DNAH17: variants seen among roughly 807,000 people sequenced by gnomAD.
The protein encoded by DNAH17 is axonemal beta dynein heavy chain 17.
DNAH17 carries 376 observed loss-of-function variants against 485.6 expected under a neutral mutation model. The ratio of observed to expected loss-of-function variants is 0.77; its 90% CI spans 0.71 to 0.84. The LOEUF (loss-of-function observed/expected upper bound fraction) is 0.84. DNAH17 is among the 40% of genes least tolerant of loss of function. The pLI is 0.00. For synonymous variants in DNAH17, 3,031 were observed against 2,405.9 expected, an observed-to-expected ratio of 1.26 and a Z score of -7.60; for missense variants, 6,370 against 5,839.3, an observed-to-expected ratio of 1.09 and a Z score of -2.96.
At chr17:78,566,405 C>T (rs138213882) in intron 11 of DNAH17, among the ~76,000 whole-genome samples, 199 of 152,334 alleles carry the variant, frequency 1.3e-3, no homozygotes, top group African/African-American at 4.5e-3. Context: ...ACTTGCTCCT[C>T]TTCCTCTAGG....
chr17:78,428,834 T>A, intron 76 of DNAH17, 127 bp from the exon 77 acceptor site: 2 of 1,222,106 alleles, frequency 1.6e-6, no homozygotes. Flanking sequence ...CCCACTTGTT[T>A]CCCAGCCCCC....
At chr17:78,437,916 C>T (rs770615221) in intron 73 of DNAH17, 48 bp from the exon 74 acceptor site, 83 of 1,447,630 alleles carry the variant, frequency 5.7e-5, no homozygotes, top group South Asian at 8.7e-5. Context: ...CAGCTCCTGG[C>T]CCACGAGGAG....
chr17:78,509,890 T>C (rs928640756), intron 27 of DNAH17, among the ~76,000 whole-genome samples: 2 of 152,152 alleles, frequency 1.3e-5, no homozygotes, highest in African/African-American at 4.8e-5. Context: ...CTAAGAAAAA[T>C]TCCAGAAGTA....
rs868082659 is a variant in DNAH17, at chr17:78,564,530, A to G, written c.1569+2084T>C. ...TGGAGACCCAAAAGTGAGGTTTCCA[A>G]ATGAAAGAATTGGCTCCATTGGGAC... On this transcript the variant is annotated intron_variant, in intron 11 of 80. Coordinates refer to ENST00000389840, the MANE Select transcript of DNAH17 (RefSeq NM_173628.4). Among the ~76,000 whole-genome samples the G allele has an allele frequency of 5.9e-5, 9 of 152,156 alleles. No individual in the cohort carries two copies. In the Middle Eastern group the frequency reaches 0.01, roughly 173 times the overall value.
At chr17:78,456,387 G>A (rs756891245) in intron 62 of DNAH17, among the ~76,000 whole-genome samples, 4 of 152,186 alleles carry the variant, frequency 2.6e-5, no homozygotes, top group Admixed American at 6.5e-5. Flanking sequence ...CAAGTCACCC[G>A]CATTGACACC....
At position 78,560,870 on chromosome 17, in the gene DNAH17, C is replaced by G; in HGVS notation, c.1901G>C (p.Arg634Thr). ...QKYDEMMELLRCHREKIYQQW... is the reference protein window; with the variant it reads ...QKYDEMMELLTCHREKIYQQW... ...CTGGTAGATCTTCTCGCGGTGGCAC[C>G]TCAGCAGCTCCATCATCTCGTCATA... is the stretch of plus-strand genomic sequence containing the variant. The change falls in exon 13 of 81, where the codon AGG becomes ACG. Residue 634 changes from arginine to threonine, a missense_variant. Arg to Thr is a moderately conservative substitution (Grantham distance 71). Coordinates refer to ENST00000389840, the MANE Select transcript of DNAH17 (RefSeq NM_173628.4). The G allele has an allele frequency of 6.4e-7, 1 of 1,551,756 alleles. No homozygotes were observed. Among genetic ancestry groups the G allele is most frequent in the Non-Finnish European group, 8.7e-7 (1 of 1,147,114 alleles).
In DNAH17 at chr17:78,439,186, T is replaced by G. The variant is rs1568052070; in HGVS notation, c.11709A>C (p.Gly3903=). 6.2e-7 allele frequency: 1 copy of G among 1,613,334 alleles called. No homozygotes were observed. Among genetic ancestry groups the G allele is most frequent in the Admixed American group, 1.7e-5 (1 of 59,946 alleles). ...GKKLGFTIDN[G]KLHNVSLGQG... Reference sequence around the variant, plus strand: ...GCCCCAGGGACACATTATGGAGTTTTCCATTGTCTATGGTAAACCCTAGTT... The same window carrying G: ...GCCCCAGGGACACATTATGGAGTTTGCCATTGTCTATGGTAAACCCTAGTT... Residue 3903 remains glycine (G), a synonymous_variant, in exon 73 of 81, where the codon GGA becomes GGC. Transcript: ENST00000389840.
intron 54 of DNAH17, 119 bp from the exon 55 acceptor site, chr17:78,469,002 C>A (rs760903032): frequency 1.3e-5 from 17 of 1,311,158 alleles, no homozygotes; most frequent in African/African-American, 1.5e-5. Flanking sequence ...CTCGCTCTGT[C>A]GCCCAGGCTG....
At chr17:78,433,227 C>T (rs756438523) in intron 75 of DNAH17, among the ~76,000 whole-genome samples, 4 of 152,302 alleles carry the variant, frequency 2.6e-5, no homozygotes, top group Non-Finnish European at 4.4e-5. Context: ...TCGTAAGAAC[C>T]GTGCGTGGTG....
chr17:78,426,953 C>G lies in DNAH17; in HGVS notation c.12744G>C (p.Ser4248=). 1 of 1,608,782 alleles carries G rather than the reference C, an allele frequency of 6.2e-7. No individual in the cohort carries two copies. Among genetic ancestry groups the G allele is most frequent in the African/African-American group, 1.3e-5 (1 of 74,938 alleles). ...MNILTNEMRR[S]LKELNLGLKG... is the part of the protein sequence containing the mutation. The stretch of plus-strand genomic sequence containing the variant: ...TCAGCCCCAGGTTCAGCTCCTTGAG[C>G]GAACGGCGCATTTCGTTGGTCAGGA... The change falls in exon 78 of 81, where the codon TCG becomes TCC. Residue 4248 remains serine (S), a synonymous_variant. Transcript: ENST00000389840.
intron 13 of DNAH17, 55 bp from the exon 14 acceptor site, chr17:78,558,309 G>GT: frequency 6.3e-7 from 1 of 1,589,208 alleles, no homozygotes; most frequent in South Asian, 1.2e-5. Flanking sequence ...CAACAGTGCA[G>GT]TGTTCAAGCA....
At chr17:78,549,940 AC>A (rs375374298) in intron 16 of DNAH17, among the ~76,000 whole-genome samples, 5 of 152,300 alleles carry the variant, frequency 3.3e-5, no homozygotes, top group African/African-American at 1.2e-4. Context: ...GAGAGAGAGA[AC>A]AGCCACAGAG....
At position 78,494,690 on chromosome 17, in the gene DNAH17, T is replaced by C; in HGVS notation, c.6173A>G (p.Lys2058Arg). ...TACGGGCAGGTCGTCTGTCACAATC[T>C]TGGGGATGTTGAAGTCTCTCAGCGC... ...MRALRDFNIP[K>R]IVTDDLPVFM... is the part of the protein sequence containing the mutation. Residue 2058 changes from lysine to arginine, a missense_variant, in exon 40 of 81, where the codon AAG becomes AGG. Coordinates refer to ENST00000389840, the MANE Select transcript of DNAH17 (RefSeq NM_173628.4). 6.2e-7 allele frequency: 1 copy of C among 1,613,924 alleles called. No homozygotes were observed. Among genetic ancestry groups the C allele is most frequent in the Non-Finnish European group, 8.5e-7 (1 of 1,179,890 alleles).
intron 54 of DNAH17, among the ~76,000 whole-genome samples, chr17:78,473,141 C>T (rs947124170): frequency 3.3e-5 from 5 of 152,206 alleles, no homozygotes; most frequent in South Asian, 4.1e-4. Flanking sequence ...ACCATTAGAA[C>T]GATAATCATG....
intron 32 of DNAH17, 29 bp from the exon 33 acceptor site, chr17:78,502,727 G>A (rs764412090): frequency 2.5e-6 from 4 of 1,602,952 alleles, no homozygotes; most frequent in South Asian, 1.1e-5. Context: ...CATTGCCCAC[G>A]CAGTGAGCGA....
At chr17:78,551,812 A>T (rs1256089871) in intron 15 of DNAH17, among the ~76,000 whole-genome samples, 174 bp from the exon 16 acceptor site, 3 of 151,936 alleles carry the variant, frequency 2.0e-5, no homozygotes, top group Non-Finnish European at 4.4e-5. Flanking sequence ...AAATACAAAA[A>T]ATTAGCTGGG....
Position 78,475,209 on chromosome 17 carries a change from G to A in DNAH17, c.8511+69C>T. On this transcript the variant is annotated intron_variant, in intron 54 of 80. Coordinates refer to ENST00000389840, the MANE Select transcript of DNAH17 (RefSeq NM_173628.4). ...TACTCGCTGGCTTCATTTTGGAAAA[G>A]GGAGTGAAGTTTTTCTTTACTCCCT... The A allele has an allele frequency of 2.6e-6, 4 of 1,539,022 alleles. No individual in the cohort carries two copies. In the South Asian group the frequency reaches 3.6e-5, roughly 14 times the overall value.
At chr17:78,443,309 G>A (rs929057152) in intron 71 of DNAH17, among the ~76,000 whole-genome samples, 2 of 152,140 alleles carry the variant, frequency 1.3e-5, no homozygotes, top group African/African-American at 2.4e-5. Context: ...ATGGCCGAGG[G>A]ACCTTTACCT....
rs34910684 is a variant in DNAH17, at chr17:78,494,380, GC to G, written c.6271-208del. ...CATGCAGGGGGTCGGTTTGCCTGAA[GC>G]CCCCCCAGCCTCAGTTGAGAGAGTG... On this transcript the variant is annotated intron_variant, in intron 40 of 80. Transcript: ENST00000389840. Among the ~76,000 whole-genome samples, 76,756 of 151,514 alleles carry G rather than the reference GC, an allele frequency of 0.51. 19,997 individuals are homozygous for G. Among genetic ancestry groups the G allele is most frequent in the African/African-American group, 0.64 (26,389 of 41,308 alleles).
Sources: allele counts gnomAD v4.1 joint callset (sites outside exome capture counted in the v4.1 genomes callset), GRCh38; gene constraint gnomAD v4.1.1; transcripts MANE v1.5; gene names NCBI Gene and HGNC (gene_info 2026-07-23, HGNC 2026-07-21).